The following CDH23 variants were observed in gnomAD, a reference collection of about 807,000 sequenced individuals.
CDH23 encodes the protein cadherin-23.
CDH23 carries 189 observed loss-of-function variants against 317.1 expected under a neutral mutation model. The observed-to-expected ratio is 0.60, with a 90% CI of 0.53 to 0.67. CDH23 has a LOEUF of 0.67. CDH23 is among the 30% of genes least tolerant of loss of function. The pLI is 0.00. For synonymous variants in CDH23, 1,839 were observed against 1,876.8 expected, an observed-to-expected ratio of 0.98 and a Z score of 0.52; for missense variants, 4,401 against 4,592.4, an observed-to-expected ratio of 0.96 and a Z score of 1.20.
At chr10:71,694,374 G>A (rs1865297048) in intron 21 of CDH23, 115 bp downstream of exon 21, 1 of 786,828 alleles carries the variant, frequency 1.3e-6, no homozygotes, top group South Asian at 1.7e-5. Context: ...GTGAGAATGA[G>A]CAAGGGGGCG....
chr10:71,661,797 C>T (rs1589307430), intron 14 of CDH23, among the ~76,000 whole-genome samples: 1 of 80,836 alleles, frequency 1.2e-5, no homozygotes, highest in Non-Finnish European at 2.5e-5. Flanking sequence ...CCCTGCGCGC[C>T]CCCTCCCACC....
chr10:71,459,698 C>T (rs1050989076), intron 3 of CDH23, among the ~76,000 whole-genome samples: 32 of 152,172 alleles, frequency 2.1e-4, no homozygotes, highest in African/African-American at 7.2e-4. Context: ...GTGGTGCAAG[C>T]GCTGGTGGGC....
rs1839342402 is a variant in CDH23, at chr10:71,730,586, G to A, written c.3697G>A (p.Ala1233Thr). The A allele has an allele frequency of 6.2e-7, 1 of 1,613,904 alleles. No individual in the cohort carries two copies. Among genetic ancestry groups the A allele is most frequent in the Non-Finnish European group, 8.5e-7 (1 of 1,179,898 alleles). Residue 1233 changes from alanine (A) to threonine (T), a missense_variant, in exon 31 of 70, where the codon GCC becomes ACC. Physicochemically the swap from Ala to Thr is moderately conservative, Grantham distance 58 (BLOSUM62 0). This residue lies in a region of CDH23 where 3,068 missense variants were observed against 3,203.3 expected (regional missense o/e 0.96). Transcript: ENST00000224721. ...TGGAACGTCAGTCATCGTGGTCCAA[G>A]CCACAGACCGAGACTCTGGTGAGGC... is the stretch of plus-strand genomic sequence containing the variant. ...GIGTSVIVVQ[A>T]TDRDSGDGGL...
chr10:71,437,367 C>T (rs769371466), intron 1 of CDH23, among the ~76,000 whole-genome samples: 4 of 152,212 alleles, frequency 2.6e-5, no homozygotes, highest in Non-Finnish European at 4.4e-5. Flanking sequence ...AACCTGGAAA[C>T]ATCCAAATGC....
chr10:71,512,189 A>C (rs1222582718), intron 6 of CDH23: 1 of 152,194 alleles, frequency 6.6e-6, no homozygotes, highest in Admixed American at 6.5e-5. Context: ...CCTGGCTTCT[A>C]GGGCAGGCTC....
intron 11 of CDH23, among the ~76,000 whole-genome samples, chr10:71,617,850 G>C (rs986026420): frequency 3.3e-5 from 5 of 151,966 alleles, no homozygotes; most frequent in Admixed American, 6.6e-5. Context: ...AAATTAGCCG[G>C]GCGTGGTGGC....
At chr10:71,665,744 C>G (rs909041445) in intron 14 of CDH23, among the ~76,000 whole-genome samples, 1 of 152,290 alleles carries the variant, frequency 6.6e-6, no homozygotes, top group African/African-American at 2.4e-5. Flanking sequence ...CCCACGTGCA[C>G]GTAGGGCAGA....
intron 49 of CDH23, among the ~76,000 whole-genome samples, 194 bp downstream of exon 49, chr10:71,797,414 T>C (rs1309106564): frequency 6.6e-6 from 1 of 151,688 alleles, no homozygotes; most frequent in East Asian, 1.9e-4. Flanking sequence ...GATGGCTACA[T>C]AGAGCTCAGC....
At chr10:71,686,505 G>C (rs578199658) in intron 18 of CDH23, among the ~76,000 whole-genome samples, 2 of 152,090 alleles carry the variant, frequency 1.3e-5, no homozygotes, top group Admixed American at 6.6e-5. Flanking sequence ...TGTCCCAAGG[G>C]GGGTGCAGCC....
chr10:71,594,005 G>A (rs1859675157), intron 9 of CDH23, among the ~76,000 whole-genome samples: 1 of 152,110 alleles, frequency 6.6e-6, no homozygotes, highest in African/African-American at 2.4e-5. Context: ...AGGTTGGGAG[G>A]ATTGCTTGAC....
intron 57 of CDH23, among the ~76,000 whole-genome samples, chr10:71,806,800 C>T (rs1421549570): frequency 6.6e-6 from 1 of 152,198 alleles, no homozygotes; most frequent in African/African-American, 2.4e-5. Context: ...TGGTCTCAAA[C>T]TCCTGCCTTG....
Position 71,732,374 on chromosome 10 carries a change from C to T in CDH23, c.4103C>T (p.Thr1368Met), listed in dbSNP as rs762247872. ...AKALFKIDAI[T>M]GVITVQGLVD... ...GCCCTCTTCAAGATAGACGCCATCA[C>T]GGTGAGGGGCTGGGGGCAGGGAGCA... Residue 1368 changes from threonine (T) to methionine (M), a missense_variant and splice_region_variant, in exon 32 of 70, where the codon ACG (threonine) becomes ATG (methionine). Transcript: ENST00000224721. 26 of 1,559,080 alleles carry T rather than the reference C, an allele frequency of 1.7e-5. No homozygotes were observed. In the African/African-American group the frequency reaches 2.2e-4, roughly 13 times the overall value.
At chr10:71,703,558 G>A (rs555340848) in intron 24 of CDH23, among the ~76,000 whole-genome samples, 1 of 152,370 alleles carries the variant, frequency 6.6e-6, no homozygotes, top group South Asian at 2.1e-4. Context: ...TGATCACTGT[G>A]TGTCGGTCAC....
intron 9 of CDH23, among the ~76,000 whole-genome samples, chr10:71,609,989 T>TGAGAGA (rs1156307060): frequency 6.9e-5 from 9 of 130,672 alleles, no homozygotes; most frequent in African/African-American, 2.4e-4. Context: ...TGTGTGTGTG[T>TGAGAGA]GTGTGTGAGA....
intron 1 of CDH23, among the ~76,000 whole-genome samples, chr10:71,417,111 T>C (rs1332748855): frequency 6.6e-6 from 1 of 151,660 alleles, no homozygotes; most frequent in African/African-American, 2.4e-5. Flanking sequence ...AGTCTGGCTC[T>C]GTCACCCAGG....
intron 2 of CDH23, among the ~76,000 whole-genome samples, chr10:71,442,742 C>T (rs572294606): frequency 8.5e-5 from 13 of 152,296 alleles, no homozygotes; most frequent in Admixed American, 5.2e-4. Flanking sequence ...CTCCTTCTGT[C>T]CCCAGTTGCT....
At chr10:71,563,158 G>T (rs377321761) in intron 6 of CDH23, among the ~76,000 whole-genome samples, 8 of 152,052 alleles carry the variant, frequency 5.3e-5, no homozygotes, top group African/African-American at 1.9e-4. Flanking sequence ...TCCACTCTTC[G>T]ACTCTGTCAT....
rs1841241116 is a variant in CDH23 at position 71,791,199 on chromosome 10, G to A, written c.6117G>A (p.Leu2039=). The part of the protein sequence containing the change: ...REAFSPPILE[L]LLLAEDIGLL... ...CATTCTCGCCACCCATCCTGGAGCTGCTGCTGCTGGCTGAGGACATCGGGC... is the reference window on the plus strand; with the variant it reads ...CATTCTCGCCACCCATCCTGGAGCTACTGCTGCTGGCTGAGGACATCGGGC... Residue 2039 remains leucine, a synonymous_variant, in exon 47 of 70, where the codon CTG becomes CTA. Coordinates refer to ENST00000224721, the MANE Select transcript of CDH23 (RefSeq NM_022124.6). 1 of 1,613,320 alleles carries A rather than the reference G, an allele frequency of 6.2e-7. No individual in the cohort carries two copies. The highest frequency in any genetic ancestry group is 1.3e-5 in the African/African-American group (1 of 74,910).
At chr10:71,572,553 C>T (rs1367076163) in intron 8 of CDH23, among the ~76,000 whole-genome samples, 1 of 152,112 alleles carries the variant, frequency 6.6e-6, no homozygotes, top group Non-Finnish European at 1.5e-5. Context: ...GAACAAGCAC[C>T]CTCACCCTGG....
Sources: allele counts gnomAD v4.1 joint callset (sites outside exome capture counted in the v4.1 genomes callset), GRCh38; gene constraint gnomAD v4.1.1; regional missense constraint gnomAD v4.1.1; transcripts MANE v1.5; gene names NCBI Gene and HGNC (gene_info 2026-07-23, HGNC 2026-07-21).